Variants in RORA observed in about 807,000 individuals in gnomAD.
RORA encodes nuclear receptor ROR-alpha.
A neutral mutation model predicts 69.5 loss-of-function variants in RORA; 7 were observed. The observed-to-expected ratio is 0.10, with a 90% CI of 0.06 to 0.19. The LOEUF is 0.19. RORA is among the 10% of genes least tolerant of loss of function. RORA has a pLI of 1.00. For missense variants in RORA, 457 were observed against 663.0 expected (o/e 0.69, Z 3.41); for synonymous variants, 261 against 240.8 (o/e 1.08, Z -0.78).
At chr15:61,057,759 T>C (rs1389847108) in intron 1 of RORA, among the ~76,000 whole-genome samples, 1 of 152,286 alleles carries the variant, frequency 6.6e-6, no homozygotes, top group East Asian at 1.9e-4. Flanking sequence ...GATCCAGCAC[T>C]TAACCCTGAG....
intron 1 of RORA, among the ~76,000 whole-genome samples, chr15:60,804,149 G>A (rs1484123274): frequency 2.6e-5 from 4 of 151,904 alleles, no homozygotes; most frequent in African/African-American, 4.8e-5. Flanking sequence ...TTAGCCAGGC[G>A]TGGTGGTGGG....
chr15:60,697,412 C>G (rs1408641677), intron 1 of RORA, among the ~76,000 whole-genome samples: 1 of 152,288 alleles, frequency 6.6e-6, no homozygotes, highest in East Asian at 1.9e-4. Context: ...TCCCTTCTTC[C>G]ATCTTCCAAG....
At chr15:60,543,967 GCC>G (rs1567074988) in intron 2 of RORA, among the ~76,000 whole-genome samples, 1 of 152,168 alleles carries the variant, frequency 6.6e-6, no homozygotes, top group Non-Finnish European at 1.5e-5. Context: ...TCTAGGGAAA[GCC>G]CACAGTGAGG....
intron 1 of RORA, among the ~76,000 whole-genome samples, chr15:60,998,613 G>A (rs60041031): frequency 0.01 from 1,576 of 152,208 alleles, 29 homozygotes; most frequent in African/African-American, 0.034. Context: ...TAGCTAGGCC[G>A]GTCTCGAACT....
chr15:60,660,505 T>C (rs919095696), intron 2 of RORA, among the ~76,000 whole-genome samples: 1 of 152,206 alleles, frequency 6.6e-6, no homozygotes, highest in East Asian at 1.9e-4. Flanking sequence ...ACAGATAGTA[T>C]TTTCAGTTGT....
chr15:60,686,689 CT>C (rs1402938725), intron 1 of RORA: 1 of 152,182 alleles, frequency 6.6e-6, no homozygotes, highest in African/African-American at 2.4e-5. Context: ...CCTCTGCAAT[CT>C]GTTAAATCTG....
chr15:60,601,184 A>G (rs921771072), intron 2 of RORA: 1 of 152,240 alleles, frequency 6.6e-6, no homozygotes, highest in Non-Finnish European at 1.5e-5. Flanking sequence ...TCCAGAAATC[A>G]AGAAGTACTA....
intron 1 of RORA, among the ~76,000 whole-genome samples, chr15:60,914,170 G>A (rs557249291): frequency 6.6e-6 from 1 of 152,224 alleles, no homozygotes; most frequent in Non-Finnish European, 1.5e-5. Flanking sequence ...ACTTTACACA[G>A]TCAGGGAATG....
chr15:60,802,464 A>C (rs2072598545), intron 1 of RORA, among the ~76,000 whole-genome samples: 1 of 152,208 alleles, frequency 6.6e-6, no homozygotes, highest in Admixed American at 6.5e-5. Flanking sequence ...ATACTTCATG[A>C]GGCCCATCTC....
At chr15:60,582,233 A>G (rs2068215005) in intron 2 of RORA, among the ~76,000 whole-genome samples, 1 of 152,196 alleles carries the variant, frequency 6.6e-6, no homozygotes, top group Non-Finnish European at 1.5e-5. Flanking sequence ...TTTCTGTCTT[A>G]AATTTTCACT....
At chr15:60,852,321 T>A (rs1393111350) in intron 1 of RORA, among the ~76,000 whole-genome samples, 1 of 152,200 alleles carries the variant, frequency 6.6e-6, no homozygotes. Context: ...CCAACCCATG[T>A]CCAGGGGTTG....
chr15:60,697,985 G>A (rs1320824590), intron 1 of RORA, among the ~76,000 whole-genome samples: 3 of 152,106 alleles, frequency 2.0e-5, no homozygotes, highest in African/African-American at 7.2e-5. Context: ...TAAAATAAAC[G>A]CCTACAAAGT....
At chr15:60,502,222 C>T (rs2065352924) in intron 8 of RORA, among the ~76,000 whole-genome samples, 4 of 152,296 alleles carry the variant, frequency 2.6e-5, no homozygotes, top group Admixed American at 2.0e-4. Context: ...TCAGGTGATC[C>T]GCCTGCCTTG....
intron 1 of RORA, among the ~76,000 whole-genome samples, chr15:60,767,999 C>G (rs2072015743): frequency 6.6e-6 from 1 of 152,206 alleles, no homozygotes; most frequent in Admixed American, 6.5e-5. Flanking sequence ...AAGTACTACT[C>G]CATGCAGGGT....
intron 2 of RORA, among the ~76,000 whole-genome samples, chr15:60,561,378 GC>G (rs2067556712): frequency 6.6e-6 from 1 of 152,028 alleles, no homozygotes; most frequent in African/African-American, 2.4e-5. Flanking sequence ...ACCGCGCCTG[GC>G]CAACTTGTGT....
intron 1 of RORA, among the ~76,000 whole-genome samples, chr15:60,882,187 T>G (rs764077105): frequency 8.5e-5 from 13 of 152,158 alleles, no homozygotes; most frequent in Non-Finnish European, 1.5e-4. Flanking sequence ...ACCACTAAAA[T>G]TCACTAGACA....
chr15:61,004,011 G>A (rs1894829613), intron 1 of RORA, among the ~76,000 whole-genome samples: 2 of 150,276 alleles, frequency 1.3e-5, no homozygotes, highest in South Asian at 2.1e-4. Context: ...AAAAAAAAAT[G>A]TTTGAGGAAC....
At chr15:60,601,666 TCA>T (rs775001747) in intron 2 of RORA, among the ~76,000 whole-genome samples, 3 of 152,236 alleles carry the variant, frequency 2.0e-5, no homozygotes, top group Non-Finnish European at 2.9e-5. Flanking sequence ...GCTGCTCTTT[TCA>T]CAGTTTTTGC....
intron 1 of RORA, among the ~76,000 whole-genome samples, chr15:61,009,960 A>C (rs1230779615): frequency 2.0e-5 from 3 of 152,228 alleles, no homozygotes; most frequent in African/African-American, 4.8e-5. Context: ...CTGAACATGA[A>C]AATGAAAAAC....
Sources: gnomAD v4.1 joint callset for allele counts (sites outside exome capture counted in the v4.1 genomes callset) on GRCh38, gnomAD v4.1.1 for gene constraint, MANE v1.5 for transcripts, NCBI Gene and HGNC (gene_info 2026-07-23, HGNC 2026-07-21) for gene names.